Variants in TMOD1 observed in about 807,000 individuals in gnomAD.
TMOD1 encodes tropomodulin 1, also known as tropomodulin-1.
In TMOD1, 17 loss-of-function variants were observed where a neutral mutation model predicts 40.6. That is an observed-to-expected ratio of 0.42 (90% CI 0.29 to 0.63). The LOEUF (loss-of-function observed/expected upper bound fraction) is 0.63, where lower values mean the gene tolerates loss of function less well. Among genes scored for constraint, TMOD1 ranks in the 20% least tolerant of loss-of-function variants. The pLI is 0.22. For synonymous variants in TMOD1, 181 were observed against 175.0 expected (o/e 1.03, Z -0.27); for missense variants, 391 against 447.6 (o/e 0.87, Z 1.14).
At chr9:97,575,634 C>T (rs978845687) in intron 8 of TMOD1, among the ~76,000 whole-genome samples, 1 of 152,174 alleles carries the variant, frequency 6.6e-6, no homozygotes, top group Non-Finnish European at 1.5e-5. Flanking sequence ...GAAGTATTCC[C>T]AGTTGTCCAT....
chr9:97,581,920 C>T (rs1172707985), intron 8 of TMOD1, among the ~76,000 whole-genome samples: 4 of 148,328 alleles, frequency 2.7e-5, no homozygotes, highest in South Asian at 2.1e-4. Flanking sequence ...GAGTAGGTTG[C>T]GAAAATTTTC....
At chr9:97,593,779 G>A (rs1401231110) in intron 9 of TMOD1, among the ~76,000 whole-genome samples, 1 of 152,086 alleles carries the variant, frequency 6.6e-6, no homozygotes, top group Non-Finnish European at 1.5e-5. Flanking sequence ...ATAGGTTGAT[G>A]GAGGAGGTCT....
chr9:97,583,936 T>G lies in TMOD1; in HGVS notation c.871-7355T>G, dbSNP rs1367421453. Among the ~76,000 whole-genome samples, 4 of 152,026 alleles carry G rather than the reference T, an allele frequency of 2.6e-5. No individual in the cohort carries two copies. The East Asian group carries it at 7.7e-4, about 29-fold the overall frequency. On this transcript the variant is annotated intron_variant, in intron 8 of 9. Transcript: ENST00000259365. Reference sequence around the variant, plus strand: ...GCTAGCGGTCTATCAATTTTGTTGATCCTTTTAAAAAACCAGCTCCTGGAT... The same window carrying G: ...GCTAGCGGTCTATCAATTTTGTTGAGCCTTTTAAAAAACCAGCTCCTGGAT...
intron 2 of TMOD1, among the ~76,000 whole-genome samples, chr9:97,530,589 G>A (rs984546318): frequency 5.3e-5 from 8 of 150,708 alleles, no homozygotes; most frequent in Admixed American, 1.3e-4. Flanking sequence ...CCGGGTCCAC[G>A]CCATTCTCCT....
intron 9 of TMOD1, 52 bp downstream of exon 9, chr9:97,591,487 C>T: frequency 6.3e-7 from 1 of 1,586,514 alleles, no homozygotes; most frequent in Non-Finnish European, 8.6e-7. Context: ...ATTCCCTCCA[C>T]CTGTGCTGGG....
chr9:97,546,043 A>G lies in TMOD1; in HGVS notation c.121-142A>G, dbSNP rs1830354861. ...AGATTCCTTACTTGTAAAACGAGGA[A>G]CACCATGGATTCCATGAGCTCTGAG... On this transcript the variant is annotated intron_variant, in intron 2 of 9. Transcript: ENST00000259365. 4.0e-6 allele frequency: 4 copies of G among 993,576 alleles called. No homozygotes were observed. In the East Asian group the frequency reaches 1.1e-4, roughly 28 times the overall value. The allele number at this position is 993,576 out of a possible 1,614,324, so 61.5% of individuals were successfully genotyped here. A position where few individuals can be genotyped will look rare whatever the true frequency, so the allele number is the denominator to read the frequency against.
At chr9:97,580,085 G>A (rs1197439084) in intron 8 of TMOD1, among the ~76,000 whole-genome samples, 2 of 152,160 alleles carry the variant, frequency 1.3e-5, no homozygotes, top group Non-Finnish European at 2.9e-5. Context: ...ACCAGGCTGA[G>A]GAGATGGGGC....
chr9:97,542,914 TG>T (rs1298744309), intron 2 of TMOD1, among the ~76,000 whole-genome samples: 26 of 151,664 alleles, frequency 1.7e-4, no homozygotes, highest in Non-Finnish European at 3.4e-4. Context: ...CATTTTTGGT[TG>T]TCACAACTGG....
chr9:97,528,798 C>T (rs1269989029), intron 2 of TMOD1, among the ~76,000 whole-genome samples: 4 of 152,250 alleles, frequency 2.6e-5, no homozygotes, highest in Admixed American at 1.3e-4. Flanking sequence ...CCAAGCAGAA[C>T]CAGATCAGAA....
intron 8 of TMOD1, among the ~76,000 whole-genome samples, chr9:97,574,467 G>C (rs991741015): frequency 6.6e-6 from 1 of 152,214 alleles, no homozygotes; most frequent in Admixed American, 6.5e-5. Flanking sequence ...CCCACGCCGT[G>C]GTCTCCTGAG....
At chr9:97,512,342 T>A (rs906765285) in intron 1 of TMOD1, among the ~76,000 whole-genome samples, 7 of 152,236 alleles carry the variant, frequency 4.6e-5, no homozygotes, top group African/African-American at 1.7e-4. Flanking sequence ...GTAAAATTAC[T>A]TTGGAAAACT....
At chr9:97,551,014 ATTTTTTTTTTTTTTTT>A (rs55700746) in intron 3 of TMOD1, among the ~76,000 whole-genome samples, 4,324 of 104,326 alleles carry the variant, frequency 0.041, 149 homozygotes, top group Middle Eastern at 0.068. Flanking sequence ...ATATATATAT[ATTTTTTTTTTTTTTTT>A]TTTTTTTTTT....
intron 2 of TMOD1, among the ~76,000 whole-genome samples, chr9:97,541,804 C>G (rs1397725274): frequency 6.6e-6 from 1 of 152,200 alleles, no homozygotes; most frequent in Non-Finnish European, 1.5e-5. Context: ...GTGTGAGTCA[C>G]CACGCCTGGC....
intron 1 of TMOD1, among the ~76,000 whole-genome samples, chr9:97,518,475 C>T (rs1277647517): frequency 6.6e-6 from 1 of 152,234 alleles, no homozygotes; most frequent in Non-Finnish European, 1.5e-5. Context: ...GGGGGCATCC[C>T]CAGGAAACAA....
chr9:97,558,996 A>G (rs1171992515), intron 4 of TMOD1, among the ~76,000 whole-genome samples: 2 of 152,142 alleles, frequency 1.3e-5, no homozygotes, highest in Non-Finnish European at 2.9e-5. Context: ...CACCGCCTCC[A>G]TCCCTTTTCT....
chr9:97,561,576 C>T (rs764608365), intron 4 of TMOD1, among the ~76,000 whole-genome samples: 1 of 152,218 alleles, frequency 6.6e-6, no homozygotes, highest in Non-Finnish European at 1.5e-5. Context: ...AGAGCATGTG[C>T]TCAGTGAGAG....
intron 7 of TMOD1, 106 bp downstream of exon 7, chr9:97,566,061 T>G: frequency 1.1e-6 from 1 of 898,854 alleles, no homozygotes; most frequent in Non-Finnish European, 1.7e-6. Flanking sequence ...AAGAGCTCTA[T>G]GTGGTACAGT....
chr9:97,555,804 G>GT, intron 4 of TMOD1: 1 of 1,046,338 alleles, frequency 9.6e-7, no homozygotes. Context: ...GATGGAGAAA[G>GT]TAGGCAAGGT....
rs1346729574 is a variant in TMOD1, at chr9:97,565,381, C to T, written c.619-467C>T. ...CTCTGATGTGCCGCTGGAGCAGAGA[C>T]CCCCTGGGGTAGATGTCTCTTAAAG... is the stretch of plus-strand genomic sequence containing the variant. On this transcript the variant is annotated intron_variant, in intron 6 of 9. Coordinates refer to ENST00000259365, the MANE Select transcript of TMOD1 (RefSeq NM_003275.4). Among the ~76,000 whole-genome samples, 2 of 152,230 alleles carry T rather than the reference C, an allele frequency of 1.3e-5. 1 individual carries two copies. The highest frequency in any genetic ancestry group is 6.8e-3 in the Middle Eastern group (2 of 294).
Sources: gnomAD v4.1 joint callset for allele counts (sites outside exome capture counted in the v4.1 genomes callset) on GRCh38, gnomAD v4.1.1 for gene constraint, MANE v1.5 for transcripts, NCBI Gene and HGNC (gene_info 2026-07-23, HGNC 2026-07-21) for gene names.